The following NOA1 variants were observed in gnomAD, a reference collection of about 807,000 sequenced individuals.
The protein encoded by NOA1 is nitric oxide associated 1, also known as nitric oxide-associated protein 1.
A neutral mutation model predicts 58.4 loss-of-function variants in NOA1; 35 were observed. That is an observed-to-expected ratio of 0.60 (90% CI 0.46 to 0.79). The LOEUF (loss-of-function observed/expected upper bound fraction) is 0.79. NOA1 is among the 30% of genes least tolerant of loss of function. The probability of loss-of-function intolerance (pLI) is 0.00; values close to 1 mark genes in which losing one functional copy is unlikely to be tolerated. For synonymous variants in NOA1, 397 were observed against 373.4 expected, an observed-to-expected ratio of 1.06 and a Z score of -0.73; for missense variants, 895 against 894.6, an observed-to-expected ratio of 1.00 and a Z score of -0.01.
Position 56,968,524 on chromosome 4 carries a change from C to T in NOA1, c.1516-9G>A. 6.4e-7 allele frequency: 1 copy of T among 1,553,296 alleles called. No individual in the cohort carries two copies. The highest frequency in any genetic ancestry group is 8.7e-7 in the Non-Finnish European group (1 of 1,143,138). On this transcript the variant is annotated splice_polypyrimidine_tract_variant and intron_variant, in intron 3 of 6. Coordinates refer to ENST00000264230, the MANE Select transcript of NOA1 (RefSeq NM_032313.4). ...GTTAGAAGATTTAAAATCTGTGAAG[C>T]AAATGGCAGATTTTTAAGAAAATAC...
intron 3 of NOA1, 26 bp from the exon 4 acceptor site, chr4:56,968,541 A>C (rs1401969222): frequency 2.7e-6 from 4 of 1,500,500 alleles, no homozygotes; most frequent in South Asian, 1.2e-5. Context: ...CAGATTTTTA[A>C]GAAAATACTT....
Position 56,968,476 on chromosome 4 carries a change from A to G in NOA1, c.1555T>C (p.Leu519=), listed in dbSNP as rs767943722. 19 of 1,608,196 alleles carry G rather than the reference A, an allele frequency of 1.2e-5. 1 individual carries two copies. In the Admixed American group the frequency reaches 2.7e-4, roughly 23 times the overall value. Residue 519 remains leucine, a synonymous_variant, in exon 4 of 7, where the codon TTG becomes CTG. Coordinates refer to ENST00000264230, the MANE Select transcript of NOA1 (RefSeq NM_032313.4). The stretch of plus-strand genomic sequence containing the variant: ...CTTGGAACAATGGACTGTGTTGGCA[A>G]AACAATATTTACTTCTTTTTCTGTT... ...LLTEKEVNIV[L]PTQSIVPRTF... is the part of the protein sequence containing the mutation.
chr4:56,976,428 C>T lies in NOA1; in HGVS notation c.1144+14G>A, dbSNP rs372547967. 6.0e-5 allele frequency: 97 copies of T among 1,606,036 alleles called. No homozygotes were observed. The highest frequency in any genetic ancestry group is 7.9e-5 in the Non-Finnish European group (93 of 1,174,334). On this transcript the variant is annotated intron_variant, in intron 1 of 6. Transcript: ENST00000264230. ...TTGCCAGGAAACGAAGAGGGCGAGCCTCCTAAAACTCACCTGGCCAAGGGG... is the reference window on the plus strand; with the variant it reads ...TTGCCAGGAAACGAAGAGGGCGAGCTTCCTAAAACTCACCTGGCCAAGGGG...
In NOA1 at chr4:56,977,384, T is replaced by C. The variant is rs754252852; in HGVS notation, c.202A>G (p.Met68Val). The C allele has an allele frequency of 6.2e-7, 1 of 1,614,220 alleles. No individual in the cohort carries two copies. Among genetic ancestry groups the C allele is most frequent in the South Asian group, 1.1e-5 (1 of 91,090 alleles). ...DTEGFGEGGD[M>V]QERFLFPEYI... ...TCCGGGAACAGAAAACGCTCCTGCA[T>C]GTCACCACCTTCTCCAAAGCCCTCC... Residue 68 changes from methionine to valine, a missense_variant, in exon 1 of 7, where the codon ATG (methionine) becomes GTG (valine). By Grantham distance (21) the Met-to-Val change is conservative (BLOSUM62 1). Coordinates refer to ENST00000264230, the MANE Select transcript of NOA1 (RefSeq NM_032313.4).
At chr4:56,973,527 A>C in intron 2 of NOA1, among the ~76,000 whole-genome samples, 174 bp from the exon 3 acceptor site, 1 of 152,082 alleles carries the variant, frequency 6.6e-6, no homozygotes, top group East Asian at 1.9e-4. Context: ...AACTCTTGCA[A>C]TAATCAAGCG....
In NOA1 at chr4:56,977,596, C is replaced by A. The variant is rs766090994; in HGVS notation, c.-11G>T. The A allele has an allele frequency of 1.3e-6, 2 of 1,554,792 alleles. No homozygotes were observed. The highest frequency in any genetic ancestry group is 1.2e-5 in the South Asian group (1 of 86,266). On this transcript the variant is annotated 5_prime_UTR_variant, in exon 1 of 7. Transcript: ENST00000264230. ...GCGAGCGGGCAGCATGAGGAAGTAG[C>A]TCCAAAGGGGCGGAGCCACCAGCGC...
intron 5 of NOA1, 71 bp from the exon 6 acceptor site, chr4:56,964,597 TGATAA>T (rs978333864): frequency 3.2e-5 from 47 of 1,491,460 alleles, no homozygotes; most frequent in Non-Finnish European, 4.2e-5. Flanking sequence ...AGCAAATCAC[TGATAA>T]GATAATTCTG....
intron 5 of NOA1, 36 bp downstream of exon 5, chr4:56,966,584 T>TAACCATAACCATGC (rs763210383): frequency 5.4e-5 from 68 of 1,264,286 alleles, no homozygotes; most frequent in Non-Finnish European, 7.8e-5. Context: ...CAGTGTATAC[T>TAACCATAACCATGC]AACCATAACC....
At chr4:56,964,258 G>A in intron 6 of NOA1, 148 bp downstream of exon 6, 1 of 777,058 alleles carries the variant, frequency 1.3e-6, no homozygotes, top group Non-Finnish European at 2.1e-6. Flanking sequence ...GTAGAGACGG[G>A]GTTTCTCCAT....
At position 56,963,660 on chromosome 4, in the gene NOA1, A is replaced by G. The variant is rs748620804; in HGVS notation, c.1887T>C (p.Gly629=). ...TAAAATTAGGTGTTACTGAAACCCA[A>G]CCTATGCAGGCATGTGACACAACAC... is the stretch of plus-strand genomic sequence containing the variant. ...AVADIKFSSA[G]WVSVTPNFKD... Residue 629 remains glycine, a splice_region_variant and synonymous_variant, in exon 7 of 7, where the codon GGT becomes GGC. Coordinates refer to ENST00000264230, the MANE Select transcript of NOA1 (RefSeq NM_032313.4). 2 of 1,613,468 alleles carry G rather than the reference A, an allele frequency of 1.2e-6. No individual in the cohort carries two copies. The highest frequency in any genetic ancestry group is 8.5e-7 in the Non-Finnish European group (1 of 1,179,380).
intron 4 of NOA1, among the ~76,000 whole-genome samples, chr4:56,967,079 G>A (rs1721725277): frequency 6.6e-6 from 1 of 152,110 alleles, no homozygotes; most frequent in South Asian, 2.1e-4. Context: ...TATGTGTTCT[G>A]ATGAAATATA....
intron 4 of NOA1, among the ~76,000 whole-genome samples, chr4:56,967,546 C>T (rs1261098070): frequency 1.3e-5 from 2 of 152,078 alleles, no homozygotes; most frequent in Admixed American, 1.3e-4. Flanking sequence ...TAATGGCACA[C>T]AGTTGTATTG....
At chr4:56,974,942 ATC>A (rs1721874622) in intron 1 of NOA1, among the ~76,000 whole-genome samples, 1 of 152,128 alleles carries the variant, frequency 6.6e-6, no homozygotes, top group Non-Finnish European at 1.5e-5. Context: ...ACCTCAGGTG[ATC>A]TGCCCACCTT....
chr4:56,977,042 A>T lies in NOA1; in HGVS notation c.544T>A (p.Cys182Ser). ...CGCCGGTGGTGCGACAGCAGCCAGC[A>T]GCGCTGGCACACGGTCCGTGCCAGC... The part of the protein sequence containing the change: ...GGLARTVCQR[C>S]WLLSHHRRAL... The change falls in exon 1 of 7, where the codon TGC becomes AGC. Residue 182 changes from cysteine to serine, a missense_variant. Around this residue, in one of 3 missense-constraint regions of NOA1, gnomAD observed 680 missense variants for 656.5 expected, o/e 1.04. Transcript: ENST00000264230. 3 of 1,585,536 alleles carry T rather than the reference A, an allele frequency of 1.9e-6. No individual in the cohort carries two copies. The highest frequency in any genetic ancestry group is 1.7e-6 in the Non-Finnish European group (2 of 1,171,014).
chr4:56,973,652 G>A (rs143584382), intron 2 of NOA1, among the ~76,000 whole-genome samples: 1 of 152,234 alleles, frequency 6.6e-6, no homozygotes, highest in East Asian at 1.9e-4. Flanking sequence ...ATCTAAAGCT[G>A]CTGCATGGAG....
intron 5 of NOA1, among the ~76,000 whole-genome samples, chr4:56,965,566 G>C (rs1560463321): frequency 6.6e-6 from 1 of 152,112 alleles, no homozygotes; most frequent in Non-Finnish European, 1.5e-5. Flanking sequence ...AGCAATATAT[G>C]AGCAATATTT....
chr4:56,976,844 T>C lies in NOA1; in HGVS notation c.742A>G (p.Asn248Asp), dbSNP rs1721938914. The change falls in exon 1 of 7, where the codon AAC becomes GAC. Residue 248 changes from asparagine to aspartate, a missense_variant. This residue lies in a region of NOA1 where 680 missense variants were observed against 656.5 expected (regional missense o/e 1.04). Transcript: ENST00000264230. ...VGPKQLIVLGNKVDLLPQDAP... is the reference protein window; with the variant it reads ...VGPKQLIVLGDKVDLLPQDAP... ...TCCTGGGGCAGGAGGTCCACTTTGT[T>C]TCCCAGCACGATCAGCTGCTTGGGG... 6.2e-7 allele frequency: 1 copy of C among 1,612,956 alleles called. No homozygotes were observed.
In NOA1 at chr4:56,973,881, A is replaced by C; in HGVS notation, c.1286T>G (p.Leu429Arg). 6.2e-7 allele frequency: 1 copy of C among 1,614,066 alleles called. No individual in the cohort carries two copies. Among genetic ancestry groups the C allele is most frequent in the Non-Finnish European group, 8.5e-7 (1 of 1,179,984 alleles). Residue 429 changes from leucine (L) to arginine (R), a missense_variant, in exon 2 of 7, where the codon CTC (leucine) becomes CGC (arginine). Physicochemically the swap from Leu to Arg is moderately radical, Grantham distance 102. This residue lies in a region of NOA1 where 680 missense variants were observed against 656.5 expected (regional missense o/e 1.04). Transcript: ENST00000264230. ...ACCTACGACATAACCATGCTTTTTG[A>C]GGACATTAAGCTGATTTTGTTCTTG... is the stretch of plus-strand genomic sequence containing the variant. ...SEQEQNQLNV[L>R]KKHGYVVGRV...
intron 5 of NOA1, 84 bp downstream of exon 5, chr4:56,966,536 A>G: frequency 1.2e-6 from 1 of 809,468 alleles, no homozygotes; most frequent in South Asian, 1.6e-5. Flanking sequence ...ACAGTTCTGT[A>G]CAACAAAGGC....
Sources: gnomAD v4.1 joint callset for allele counts (sites outside exome capture counted in the v4.1 genomes callset) on GRCh38, gnomAD v4.1.1 for gene constraint, gnomAD v4.1.1 regional missense constraint, MANE v1.5 for transcripts, NCBI Gene and HGNC (gene_info 2026-07-23, HGNC 2026-07-21) for gene names.